DPP6: variants seen among roughly 807,000 people sequenced by gnomAD.
DPP6 encodes the protein A-type potassium channel modulatory protein DPP6.
In DPP6, 69 loss-of-function variants were observed where a neutral mutation model predicts 122.6. The observed-to-expected ratio is 0.56, with a 90% CI of 0.46 to 0.69. The LOEUF is 0.69. Among genes scored for constraint, DPP6 ranks in the 30% least tolerant of loss-of-function variants. The pLI is 0.00. For synonymous variants in DPP6, 418 were observed against 433.1 expected (o/e 0.97, Z 0.43); for missense variants, 928 against 1,116.9 (o/e 0.83, Z 2.41).
At chr7:154,440,339 A>G (rs951671405) in intron 1 of DPP6, among the ~76,000 whole-genome samples, 3 of 151,120 alleles carry the variant, frequency 2.0e-5, no homozygotes, top group African/African-American at 7.3e-5. Flanking sequence ...TCCCTCCCTC[A>G]CCCCCACTAC....
At chr7:153,999,677 G>GGCAGTGGGGGGTGGCTCACGCCTATA (rs1425881363) in intron 1 of DPP6, among the ~76,000 whole-genome samples, 4 of 152,180 alleles carry the variant, frequency 2.6e-5, no homozygotes. Flanking sequence ...AAAGAAACTT[G>GGCAGTGGGGGGTGGCTCACGCCTATA]GCAGTGGGGG....
At chr7:154,440,004 G>T (rs1819227166) in intron 1 of DPP6, among the ~76,000 whole-genome samples, 1 of 152,170 alleles carries the variant, frequency 6.6e-6, no homozygotes, top group African/African-American at 2.4e-5. Flanking sequence ...CACTGCCCAG[G>T]GGAAGAGGGG....
At chr7:154,586,251 G>A (rs569761532) in intron 5 of DPP6, among the ~76,000 whole-genome samples, 2 of 152,236 alleles carry the variant, frequency 1.3e-5, no homozygotes, top group East Asian at 3.9e-4. Flanking sequence ...ACTTTAGGAG[G>A]CTGAGGCAGG....
At position 154,336,832 on chromosome 7, in the gene DPP6, C is replaced by G. The variant is rs114866153; in HGVS notation, c.244-109382C>G. Among the ~76,000 whole-genome samples, 538 of 152,188 alleles carry G rather than the reference C, an allele frequency of 3.5e-3. 1 individual carries two copies. The highest frequency in any genetic ancestry group is 0.012 in the African/African-American group (505 of 41,516). The stretch of plus-strand genomic sequence containing the variant: ...TGATTCCCAGGAAGTGGGCAGGCTC[C>G]ATGCAGAGCAGGATCCCCCGTGGAG... On this transcript the variant is annotated intron_variant, in intron 1 of 25. Coordinates refer to ENST00000377770, the MANE Select transcript of DPP6 (RefSeq NM_130797.4).
the DPP6 span, among the ~76,000 whole-genome samples, chr7:153,779,544 T>C: frequency 8.3e-6 from 1 of 120,326 alleles, no homozygotes; most frequent in Non-Finnish European, 1.7e-5. Flanking sequence ...ATCCACATCT[T>C]ATACCTCCTG....
At chr7:153,792,290 G>A in the DPP6 span, among the ~76,000 whole-genome samples, 2 of 152,294 alleles carry the variant, frequency 1.3e-5, no homozygotes, top group East Asian at 3.9e-4. Flanking sequence ...CTAGGACTTA[G>A]ATGGGAATTA....
At chr7:154,665,984 A>G (rs1838125114) in intron 6 of DPP6, among the ~76,000 whole-genome samples, 1 of 152,110 alleles carries the variant, frequency 6.6e-6, no homozygotes, top group African/African-American at 2.4e-5. Context: ...TACTCACGGA[A>G]CTACAGAGAA....
intron 1 of DPP6, among the ~76,000 whole-genome samples, chr7:154,067,848 G>T (rs111317026): frequency 6.6e-6 from 1 of 150,796 alleles, no homozygotes; most frequent in African/African-American, 2.5e-5. Context: ...GGGCTCAAGC[G>T]ATCTTCCTGC....
At chr7:154,365,433 C>A (rs1402170576) in intron 1 of DPP6, among the ~76,000 whole-genome samples, 1 of 152,188 alleles carries the variant, frequency 6.6e-6, no homozygotes, top group East Asian at 1.9e-4. Context: ...CGGAAGAGCT[C>A]ACTCCATTGT....
chr7:153,881,677 C>T, the DPP6 span, among the ~76,000 whole-genome samples: 1 of 152,256 alleles, frequency 6.6e-6, no homozygotes, highest in African/African-American at 2.4e-5. Flanking sequence ...ACATGGCTCT[C>T]ACTGCTGGTC....
intron 1 of DPP6, among the ~76,000 whole-genome samples, chr7:154,109,413 C>CCTGAGACAGGGATTATGGGG (rs1216572474): frequency 1.3e-5 from 2 of 152,002 alleles, no homozygotes; most frequent in African/African-American, 2.4e-5. Flanking sequence ...GTCTCAGCCT[C>CCTGAGACAGGGATTATGGGG]CTGAGTAGCT....
rs187970028 is a variant in DPP6, at chr7:154,554,813, C to T, written c.553-12029C>T. On this transcript the variant is annotated intron_variant, in intron 4 of 25. Coordinates refer to ENST00000377770, the MANE Select transcript of DPP6 (RefSeq NM_130797.4). The stretch of plus-strand genomic sequence containing the variant: ...AGCTGTGTACCAAAATCATAATATG[C>T]TAAAGTCAGGTTTAATGATTACAAC... Among the ~76,000 whole-genome samples the T allele has an allele frequency of 1.1e-4, 16 of 152,096 alleles. No homozygotes were observed. In the East Asian group the frequency reaches 3.1e-3, roughly 29 times the overall value.
chr7:154,127,638 C>CACACACACACACACACACACACAG (rs1808014044), intron 1 of DPP6, among the ~76,000 whole-genome samples: 1 of 109,096 alleles, frequency 9.2e-6, no homozygotes, highest in African/African-American at 4.3e-5. Flanking sequence ...CACACAGACA[C>CACACACACACACACACACACACAG]ACACACACAC....
intron 1 of DPP6, among the ~76,000 whole-genome samples, chr7:154,118,350 G>A (rs977626644): frequency 8.7e-5 from 13 of 149,102 alleles, no homozygotes; most frequent in Admixed American, 2.0e-4. Flanking sequence ...ACACCCGTAG[G>A]TCTTAGGATG....
chr7:153,947,975 G>A (rs1041643737), intron 1 of DPP6, among the ~76,000 whole-genome samples: 4 of 152,124 alleles, frequency 2.6e-5, no homozygotes, highest in Non-Finnish European at 5.9e-5. Flanking sequence ...ACCAGCCTCT[G>A]TGCCAGTCTG....
intron 1 of DPP6, among the ~76,000 whole-genome samples, chr7:153,939,320 C>T (rs1214156510): frequency 6.6e-6 from 1 of 152,230 alleles, no homozygotes; most frequent in East Asian, 1.9e-4. Context: ...AATTTCTCTT[C>T]TGACTGCCAA....
intron 1 of DPP6, among the ~76,000 whole-genome samples, chr7:154,036,189 C>A (rs1437926770): frequency 1.3e-5 from 2 of 151,276 alleles, no homozygotes; most frequent in African/African-American, 2.4e-5. Flanking sequence ...CAGTGTACTG[C>A]AACCTCCGCC....
At chr7:154,224,024 A>G (rs1414918033) in intron 1 of DPP6, among the ~76,000 whole-genome samples, 3 of 146,818 alleles carry the variant, frequency 2.0e-5, no homozygotes, top group Non-Finnish European at 4.5e-5. Context: ...CTAGGAGAAC[A>G]CTGTGGCCCA....
chr7:154,441,831 G>A (rs1347616991), intron 1 of DPP6, among the ~76,000 whole-genome samples: 1 of 151,900 alleles, frequency 6.6e-6, no homozygotes, highest in African/African-American at 2.4e-5. Flanking sequence ...AAGTCAAGCT[G>A]TAATCACAAG....
Sources: gnomAD v4.1 joint callset for allele counts (sites outside exome capture counted in the v4.1 genomes callset) on GRCh38, gnomAD v4.1.1 for gene constraint, MANE v1.5 for transcripts, NCBI Gene and HGNC (gene_info 2026-07-23, HGNC 2026-07-21) for gene names.